Variants in RNF150 observed in about 807,000 individuals in gnomAD.
RNF150 encodes the protein ring finger protein 150.
RNF150 carries 24 observed loss-of-function variants against 39.3 expected under a neutral mutation model. The ratio of observed to expected loss-of-function variants is 0.61; its 90% CI spans 0.44 to 0.86. The LOEUF (loss-of-function observed/expected upper bound fraction) is 0.86. Among genes scored for constraint, RNF150 ranks in the 40% least tolerant of loss-of-function variants. The probability of loss-of-function intolerance (pLI) is 0.00; values close to 1 mark genes in which losing one functional copy is unlikely to be tolerated. For missense variants in RNF150, 502 were observed against 587.8 expected (o/e 0.85, Z 1.51); for synonymous variants, 255 against 227.3 (o/e 1.12, Z -1.10).
At position 141,017,396 on chromosome 4, in the gene RNF150, G is replaced by C. The variant is rs112436671; in HGVS notation, c.485-49523C>G. The stretch of plus-strand genomic sequence containing the variant: ...GAAGGAAAGAGAGAGTTCCCACATA[G>C]TCCCCCTTACACACTCTTCCTACTT... On this transcript the variant is annotated intron_variant, in intron 1 of 6. Transcript: ENST00000515673. Among the ~76,000 whole-genome samples the C allele has an allele frequency of 4.6e-3, 702 of 152,012 alleles. 5 individuals are homozygous for C. Among genetic ancestry groups the C allele is most frequent in the African/African-American group, 0.016 (676 of 41,466 alleles).
At chr4:140,905,072 T>C (rs1730325458) in intron 6 of RNF150, among the ~76,000 whole-genome samples, 2 of 152,284 alleles carry the variant, frequency 1.3e-5, no homozygotes, top group East Asian at 3.9e-4. Flanking sequence ...GGAGTATGTG[T>C]CCCTGGAAAG....
At chr4:140,879,779 A>G (rs1156387211) in intron 6 of RNF150, among the ~76,000 whole-genome samples, 2 of 152,152 alleles carry the variant, frequency 1.3e-5, no homozygotes, top group African/African-American at 4.8e-5. Flanking sequence ...TGATTGTGCC[A>G]TTGTACTCCA....
intron 1 of RNF150, among the ~76,000 whole-genome samples, chr4:141,042,108 T>G (rs1475402580): frequency 6.6e-6 from 1 of 152,060 alleles, no homozygotes; most frequent in Non-Finnish European, 1.5e-5. Context: ...GGACATGCTC[T>G]GGCAGTTGAC....
intron 1 of RNF150, among the ~76,000 whole-genome samples, chr4:141,073,697 G>A (rs1000968456): frequency 1.3e-5 from 2 of 151,898 alleles, no homozygotes; most frequent in Non-Finnish European, 2.9e-5. Flanking sequence ...TGGCAGGCAA[G>A]TATAATTTTA....
intron 1 of RNF150, among the ~76,000 whole-genome samples, chr4:140,980,751 T>C (rs557515728): frequency 6.6e-6 from 1 of 152,278 alleles, no homozygotes; most frequent in East Asian, 1.9e-4. Flanking sequence ...GATTGTAAGT[T>C]TCCTGAGGCC....
chr4:141,055,099 G>A (rs184922328), intron 1 of RNF150, among the ~76,000 whole-genome samples: 1 of 152,278 alleles, frequency 6.6e-6, no homozygotes, highest in East Asian at 1.9e-4. Flanking sequence ...ATAGTGGTAT[G>A]TCTTGATAAA....
intron 1 of RNF150, among the ~76,000 whole-genome samples, chr4:141,212,147 G>A (rs1200637490): frequency 6.6e-6 from 1 of 152,156 alleles, no homozygotes; most frequent in Non-Finnish European, 1.5e-5. Flanking sequence ...ATAGGCTCAA[G>A]GAGCAGGCAG....
intron 1 of RNF150, among the ~76,000 whole-genome samples, chr4:141,085,348 G>T (rs1220998148): frequency 1.3e-5 from 2 of 152,202 alleles, no homozygotes; most frequent in Non-Finnish European, 2.9e-5. Flanking sequence ...TACAATTCAA[G>T]ATGAGATTTG....
intron 1 of RNF150, among the ~76,000 whole-genome samples, chr4:141,095,004 A>G (rs1738718728): frequency 1.3e-5 from 2 of 152,244 alleles, no homozygotes; most frequent in African/African-American, 4.8e-5. Context: ...AAAAAACTAT[A>G]AAATTGTAAG....
intron 1 of RNF150, among the ~76,000 whole-genome samples, chr4:141,209,028 G>A (rs1359279994): frequency 6.6e-6 from 1 of 152,036 alleles, no homozygotes; most frequent in Non-Finnish European, 1.5e-5. Flanking sequence ...GCAAATGGAA[G>A]CAAGCTTGTT....
chr4:140,982,053 A>G (rs1733877682), intron 1 of RNF150, among the ~76,000 whole-genome samples: 1 of 152,148 alleles, frequency 6.6e-6, no homozygotes, highest in Admixed American at 6.6e-5. Flanking sequence ...TCTTCACCAT[A>G]ACTATTATTA....
At chr4:141,014,098 C>T (rs913308018) in intron 1 of RNF150, among the ~76,000 whole-genome samples, 5 of 152,032 alleles carry the variant, frequency 3.3e-5, no homozygotes, top group African/African-American at 4.8e-5. Context: ...TCTGTCTTTC[C>T]GTGCCTGGCT....
In RNF150 at chr4:141,175,540, C is replaced by G. The variant is rs1445830329; in HGVS notation, c.-6+37254G>C. 2.6e-5 allele frequency among the ~76,000 whole-genome samples: 4 copies of G among 152,224 alleles called. No individual in the cohort carries two copies. In the East Asian group the frequency reaches 7.7e-4, roughly 29 times the overall value. The stretch of plus-strand genomic sequence containing the variant: ...TCCAATTCTACATTGTTTCTAAAAT[C>G]CATCTGCTTTAATCACTGCTGGGGT... On this transcript the variant is annotated intron_variant, in intron 1 of 7. Transcript: ENST00000420921.
At chr4:140,978,872 A>G (rs1733760279) in intron 1 of RNF150, among the ~76,000 whole-genome samples, 1 of 152,212 alleles carries the variant, frequency 6.6e-6, no homozygotes, top group Non-Finnish European at 1.5e-5. Context: ...ATCATAGAAT[A>G]CTAAATTGAT....
chr4:140,880,445 T>C (rs1489752317), intron 6 of RNF150, among the ~76,000 whole-genome samples: 1 of 152,156 alleles, frequency 6.6e-6, no homozygotes, highest in Non-Finnish European at 1.5e-5. Context: ...ATTGGTTATA[T>C]TGGTCTGTAA....
intron 6 of RNF150, among the ~76,000 whole-genome samples, chr4:140,884,580 T>C (rs951895792): frequency 3.3e-5 from 5 of 152,196 alleles, no homozygotes; most frequent in Admixed American, 6.5e-5. Flanking sequence ...CCCCAGTGTC[T>C]GCATCACTGA....
At chr4:141,061,257 T>C (rs1737215327) in intron 1 of RNF150, among the ~76,000 whole-genome samples, 1 of 152,328 alleles carries the variant, frequency 6.6e-6, no homozygotes, top group South Asian at 2.1e-4. Context: ...ATGCAGATAC[T>C]AGCCTAAATT....
In RNF150 at chr4:141,132,660, T is replaced by C; in HGVS notation, c.149A>G (p.Glu50Gly). ...CCCGGCCCCGGGGTCCGGCGCGGGC[T>C]CGGCGTAGGTGATGTTCACGAAGGC... ...YTAFVNITYA[E>G]PAPDPGAGAA... Residue 50 changes from glutamate (E) to glycine (G), a missense_variant, in exon 1 of 7, where the codon GAG becomes GGG. Coordinates refer to ENST00000515673, the MANE Select transcript of RNF150 (RefSeq NM_020724.2). The surrounding 1 kb of genome is among the most constrained non-coding windows in gnomAD (Gnocchi z 4.9). 1 of 1,602,868 alleles carries C rather than the reference T, an allele frequency of 6.2e-7. No individual in the cohort carries two copies. Among genetic ancestry groups the C allele is most frequent in the East Asian group, 2.3e-5 (1 of 43,802 alleles).
chr4:140,897,499 G>C (rs1730008197), intron 6 of RNF150, among the ~76,000 whole-genome samples: 1 of 152,178 alleles, frequency 6.6e-6, no homozygotes, highest in Non-Finnish European at 1.5e-5. Flanking sequence ...ACCATAGCTA[G>C]AAACTGGTTT....
Sources: allele counts gnomAD v4.1 joint callset (sites outside exome capture counted in the v4.1 genomes callset), GRCh38; gene constraint gnomAD v4.1.1; non-coding constraint Gnocchi (gnomAD v3.1); transcripts MANE v1.5; gene names NCBI Gene and HGNC (gene_info 2026-07-23, HGNC 2026-07-21).